The following EEA1 variants were observed in gnomAD, a reference collection of about 807,000 sequenced individuals.
The protein encoded by EEA1 is early endosome antigen 1.
In EEA1, 111 loss-of-function variants were observed where a neutral mutation model predicts 209.2. That is an observed-to-expected ratio of 0.53 (90% confidence interval 0.45 to 0.62). EEA1 has a LOEUF of 0.62. Among genes scored for constraint, EEA1 ranks in the 20% least tolerant of loss-of-function variants. The pLI, the probability that EEA1 is intolerant of heterozygous loss-of-function variation, is 0.00. For synonymous variants in EEA1, 536 were observed against 540.6 expected (o/e 0.99, Z 0.12); for missense variants, 1,343 against 1,530.8 (o/e 0.88, Z 2.05).
intron 10 of EEA1, among the ~76,000 whole-genome samples, chr12:92,834,694 G>C (rs182496303): frequency 6.6e-6 from 1 of 151,502 alleles, no homozygotes; most frequent in East Asian, 1.9e-4. Context: ...AAAAGACATA[G>C]AGCCAAGAAA....
intron 21 of EEA1, among the ~76,000 whole-genome samples, 175 bp downstream of exon 21, chr12:92,798,717 T>A (rs1874762652): frequency 6.6e-6 from 1 of 152,188 alleles, no homozygotes; most frequent in East Asian, 1.9e-4. Flanking sequence ...TGAATGGAAA[T>A]CCAGACTCAG....
intron 3 of EEA1, among the ~76,000 whole-genome samples, chr12:92,864,518 A>G (rs1878287015): frequency 6.6e-6 from 1 of 152,210 alleles, no homozygotes; most frequent in African/African-American, 2.4e-5. Flanking sequence ...ATTGTTGGCT[A>G]AATTTATTAT....
At chr12:92,800,155 G>C (rs1177916760) in intron 20 of EEA1, among the ~76,000 whole-genome samples, 1 of 152,102 alleles carries the variant, frequency 6.6e-6, no homozygotes, top group African/African-American at 2.4e-5. Context: ...TTAGGAGGTG[G>C]AGGTTGCAGT....
chr12:92,823,415 T>C (rs898094645), intron 13 of EEA1, among the ~76,000 whole-genome samples: 2 of 152,236 alleles, frequency 1.3e-5, no homozygotes, highest in African/African-American at 2.4e-5. Flanking sequence ...TTTATCCTTG[T>C]AACTTCTATC....
chr12:92,811,335 T>A lies in EEA1; in HGVS notation c.2143A>T (p.Lys715Ter). 6.2e-7 allele frequency: 1 copy of A among 1,604,694 alleles called. No individual in the cohort carries two copies. Among genetic ancestry groups the A allele is most frequent in the Non-Finnish European group, 8.5e-7 (1 of 1,175,856 alleles). ...SQLESHLKEY[K>*]EKYLSLEQKT... ...TGTTCTAAAGAGAGGTATTTCTCTT[T>A]ATATTCTTTAAGATGACTTTCCAGC... is the stretch of plus-strand genomic sequence containing the variant. Residue 715 changes from lysine (K) to a stop codon, truncating the protein, a stop_gained, in exon 17 of 29, where the codon AAA (lysine) becomes TAA (stop). Transcript: ENST00000322349. LOFTEE classifies it high-confidence loss of function.
rs1348878163 is a variant in EEA1, at chr12:92,776,836, T to C, written c.4113+8A>G. The C allele has an allele frequency of 6.2e-7, 1 of 1,609,578 alleles. No homozygotes were observed. The highest frequency in any genetic ancestry group is 2.2e-5 in the East Asian group (1 of 44,728). On this transcript the variant is annotated splice_region_variant and intron_variant, in intron 28 of 28. Transcript: ENST00000322349. ...CAGAAACATAGTTACATGAACAAAA[T>C]TATTTACCCGTCTCACTGTTACTGA...
chr12:92,906,524 C>G (rs1880391943), intron 1 of EEA1, among the ~76,000 whole-genome samples: 1 of 152,154 alleles, frequency 6.6e-6, no homozygotes, highest in Non-Finnish European at 1.5e-5. Context: ...TAAAATGTAA[C>G]TTTAGGGGCC....
chr12:92,856,244 C>G (rs892641469), intron 5 of EEA1, among the ~76,000 whole-genome samples: 4 of 152,152 alleles, frequency 2.6e-5, no homozygotes, highest in Middle Eastern at 3.4e-3. Context: ...GGTAAAACTT[C>G]GTTAATCTTT....
intron 11 of EEA1, among the ~76,000 whole-genome samples, chr12:92,829,788 A>AC (rs1876526641): frequency 7.1e-6 from 1 of 140,614 alleles, no homozygotes; most frequent in Admixed American, 7.9e-5. Flanking sequence ...TAAAAAAAAA[A>AC]AAAAAAAACA....
chr12:92,830,141 C>T (rs1425787731), intron 11 of EEA1, among the ~76,000 whole-genome samples: 1 of 151,850 alleles, frequency 6.6e-6, no homozygotes, highest in Non-Finnish European at 1.5e-5. Context: ...CACTTTTACC[C>T]CCTAAATATA....
At chr12:92,900,573 G>A (rs1009216228) in intron 1 of EEA1, among the ~76,000 whole-genome samples, 1 of 151,124 alleles carries the variant, frequency 6.6e-6, no homozygotes, top group African/African-American at 2.4e-5. Flanking sequence ...GCCAGCTCTG[G>A]ATTTAATGAT....
At chr12:92,854,488 T>C (rs1221602661) in intron 5 of EEA1, among the ~76,000 whole-genome samples, 2 of 152,204 alleles carry the variant, frequency 1.3e-5, no homozygotes, top group Non-Finnish European at 2.9e-5. Flanking sequence ...CTCTCTTCAG[T>C]AGTATTACAT....
chr12:92,883,542 G>A lies in EEA1; in HGVS notation c.117+8087C>T, dbSNP rs547085596. Among the ~76,000 whole-genome samples, 6 of 152,116 alleles carry A rather than the reference G, an allele frequency of 3.9e-5. 1 individual carries two copies. In the East Asian group the frequency reaches 1.2e-3, roughly 29 times the overall value. On this transcript the variant is annotated intron_variant, in intron 2 of 28. Transcript: ENST00000322349. Reference sequence around the variant, plus strand: ...TTCTTCTAAAATTCTTATAGTTTAAGGTCTTACATTTAAATCTTTAATCTA... The same window carrying A: ...TTCTTCTAAAATTCTTATAGTTTAAAGTCTTACATTTAAATCTTTAATCTA...
chr12:92,778,151 CCTA>C lies in EEA1; in HGVS notation c.3680_3682del (p.Val1227del). 1 of 1,611,950 alleles carries C rather than the reference CCTA, an allele frequency of 6.2e-7. No homozygotes were observed. Among genetic ancestry groups the C allele is most frequent in the Non-Finnish European group, 8.5e-7 (1 of 1,179,100 alleles). ...CTCATTTTCTTCATGCTTCTTCATT[CCTA>C]CTTCCTTTTCTTTTATTTCGGAATG... On this transcript the variant is annotated inframe_deletion, in exon 26 of 29. Coordinates refer to ENST00000322349, the MANE Select transcript of EEA1 (RefSeq NM_003566.4).
chr12:92,840,293 A>G (rs1191608126), intron 10 of EEA1, among the ~76,000 whole-genome samples: 1 of 152,138 alleles, frequency 6.6e-6, no homozygotes, highest in Non-Finnish European at 1.5e-5. Flanking sequence ...ACCTCCCCTA[A>G]CCCCAAACAA....
chr12:92,792,955 C>T (rs1250110659), intron 21 of EEA1, among the ~76,000 whole-genome samples: 1 of 152,212 alleles, frequency 6.6e-6, no homozygotes, highest in Middle Eastern at 3.2e-3. Context: ...AGCTTCATCC[C>T]TGGGATGCAA....
chr12:92,898,759 T>C (rs1249700046), intron 1 of EEA1, among the ~76,000 whole-genome samples: 1 of 101,484 alleles, frequency 9.9e-6, no homozygotes, highest in Non-Finnish European at 2.1e-5. Flanking sequence ...TTTTTTTTTT[T>C]AGAGACAGGG....
intron 3 of EEA1, among the ~76,000 whole-genome samples, chr12:92,864,309 C>G (rs1878278381): frequency 6.6e-6 from 1 of 151,950 alleles, no homozygotes; most frequent in Admixed American, 6.6e-5. Flanking sequence ...GGATAAAAGA[C>G]AAGAGTTCTC....
At chr12:92,850,192 A>ACAGAAC (rs1347349582) in intron 9 of EEA1, among the ~76,000 whole-genome samples, 2 of 152,228 alleles carry the variant, frequency 1.3e-5, no homozygotes, top group Admixed American at 6.5e-5. Context: ...ATTCCTAAGG[A>ACAGAAC]CAGAACCAGA....
Sources: allele counts gnomAD v4.1 joint callset (sites outside exome capture counted in the v4.1 genomes callset), GRCh38; gene constraint gnomAD v4.1.1; transcripts MANE v1.5; gene names NCBI Gene and HGNC (gene_info 2026-07-23, HGNC 2026-07-21).